Variants in TMEM245 observed in about 807,000 individuals in gnomAD.
TMEM245 encodes transmembrane protein 245.
TMEM245 carries 69 observed loss-of-function variants against 101.2 expected under a neutral mutation model. The observed-to-expected ratio is 0.68, with a 90% confidence interval of 0.56 to 0.83. TMEM245 has a LOEUF of 0.83. Among genes scored for constraint, TMEM245 ranks in the 40% least tolerant of loss-of-function variants. The pLI, the probability that TMEM245 is intolerant of heterozygous loss-of-function variation, is 0.00. For synonymous variants in TMEM245, 537 were observed against 449.8 expected (o/e 1.19, Z -2.45); for missense variants, 1,075 against 1,092.8 (o/e 0.98, Z 0.23).
At chr9:109,115,764 A>C (rs1441696729) in intron 1 of TMEM245, among the ~76,000 whole-genome samples, 1 of 152,038 alleles carries the variant, frequency 6.6e-6, no homozygotes, top group Non-Finnish European at 1.5e-5. Context: ...TCCTGACCTC[A>C]GGTGATCTGC....
chr9:109,042,545 T>C (rs1360643723), intron 14 of TMEM245: 7 of 152,178 alleles, frequency 4.6e-5, no homozygotes, highest in Non-Finnish European at 1.0e-4. Flanking sequence ...TCTTCCATCT[T>C]TCAGACTAGT....
chr9:109,082,613 C>A (rs1454525918), intron 7 of TMEM245, among the ~76,000 whole-genome samples: 1 of 150,478 alleles, frequency 6.6e-6, no homozygotes, highest in African/African-American at 2.4e-5. Flanking sequence ...TATTTGTATC[C>A]ACAAATTACA....
chr9:109,056,650 G>A (rs570814198), intron 12 of TMEM245, among the ~76,000 whole-genome samples: 7 of 151,878 alleles, frequency 4.6e-5, no homozygotes, highest in South Asian at 4.2e-4. Context: ...AGTTTAGCAC[G>A]GCAAACCTCA....
chr9:109,059,806 T>C (rs947523710), intron 11 of TMEM245, among the ~76,000 whole-genome samples: 2 of 152,092 alleles, frequency 1.3e-5, no homozygotes, highest in Non-Finnish European at 2.9e-5. Context: ...CAGTAGCCAG[T>C]AGGAGCTAGC....
intron 1 of TMEM245, among the ~76,000 whole-genome samples, chr9:109,114,834 A>G (rs1341278367): frequency 7.2e-6 from 1 of 139,782 alleles, no homozygotes; most frequent in Non-Finnish European, 1.6e-5. Context: ...GTAACATGTG[A>G]ACCTGGTGCA....
chr9:109,068,289 G>A (rs1403639923), intron 9 of TMEM245, among the ~76,000 whole-genome samples: 2 of 151,122 alleles, frequency 1.3e-5, no homozygotes, highest in African/African-American at 4.9e-5. Context: ...AGAATGGCGT[G>A]CACCTGGGAG....
rs1350729186 is a variant in TMEM245, at chr9:109,081,484, T to TA, written c.1345-542dup. Among the ~76,000 whole-genome samples the TA allele has an allele frequency of 7.2e-5, 11 of 152,082 alleles. No homozygotes were observed. The East Asian group carries it at 1.9e-3, about 27-fold the overall frequency. On this transcript the variant is annotated intron_variant, in intron 7 of 17. Coordinates refer to ENST00000374586, the MANE Select transcript of TMEM245 (RefSeq NM_032012.4). ...ATCATTAGAATTACAAAAGCAGTAATAAAAAAATCTAATGTTAAGGCAATG... is the reference window on the plus strand; with the variant it reads ...ATCATTAGAATTACAAAAGCAGTAATAAAAAAAATCTAATGTTAAGGCAATG...
intron 3 of TMEM245, 46 bp downstream of exon 3, chr9:109,106,462 C>A (rs117323641): frequency 1.2e-5 from 16 of 1,291,736 alleles, no homozygotes; most frequent in Non-Finnish European, 1.7e-5. Context: ...AGCTACTCTC[C>A]AAAATACTTC....
chr9:109,074,182 G>GT (rs1398155846), intron 8 of TMEM245, among the ~76,000 whole-genome samples: 1 of 152,026 alleles, frequency 6.6e-6, no homozygotes, highest in Non-Finnish European at 1.5e-5. Flanking sequence ...AGGTTTCTGA[G>GT]TAAAAAAAGC....
intron 8 of TMEM245, among the ~76,000 whole-genome samples, chr9:109,077,612 C>G (rs758535234): frequency 6.6e-6 from 1 of 152,174 alleles, no homozygotes; most frequent in Non-Finnish European, 1.5e-5. Flanking sequence ...CTGTTGGGAG[C>G]ATATACATTT....
chr9:109,029,347 T>C (rs1827883340), intron 17 of TMEM245, among the ~76,000 whole-genome samples: 1 of 152,196 alleles, frequency 6.6e-6, no homozygotes, highest in Non-Finnish European at 1.5e-5. Flanking sequence ...TCTTAGCAAG[T>C]GCCCATCAGG....
At chr9:109,108,872 A>G (rs1402834750) in intron 1 of TMEM245, among the ~76,000 whole-genome samples, 2 of 152,170 alleles carry the variant, frequency 1.3e-5, no homozygotes, top group Non-Finnish European at 2.9e-5. Flanking sequence ...AGCATAAACC[A>G]TGGATTTAAA....
intron 9 of TMEM245, among the ~76,000 whole-genome samples, chr9:109,071,325 T>C (rs926533415): frequency 2.0e-5 from 3 of 151,658 alleles, no homozygotes; most frequent in Non-Finnish European, 2.9e-5. Flanking sequence ...AAGATTCAAA[T>C]AGGCCAGGCA....
At chr9:109,032,807 CTTTT>C (rs568749155) in intron 17 of TMEM245, among the ~76,000 whole-genome samples, 5 of 123,148 alleles carry the variant, frequency 4.1e-5, no homozygotes, top group East Asian at 2.4e-4. Flanking sequence ...CAATATAGGT[CTTTT>C]TTTTTTTTTT....
chr9:109,039,820 G>A lies in TMEM245; in HGVS notation c.2124-1703C>T, dbSNP rs191647483. On this transcript the variant is annotated intron_variant, in intron 14 of 17. Coordinates refer to ENST00000374586, the MANE Select transcript of TMEM245 (RefSeq NM_032012.4). ...GAGAAGGTAGGTTTTGAGGGGGAGGGAATAATGACATAATCGACCACAGAG... is the reference window on the plus strand; with the variant it reads ...GAGAAGGTAGGTTTTGAGGGGGAGGAAATAATGACATAATCGACCACAGAG... Among the ~76,000 whole-genome samples the A allele has an allele frequency of 3.6e-3, 548 of 151,662 alleles. 1 individual carries two copies. Among genetic ancestry groups the A allele is most frequent in the Admixed American group, 0.012 (177 of 15,244 alleles).
chr9:109,098,047 AC>A (rs1830186703), intron 3 of TMEM245, among the ~76,000 whole-genome samples: 1 of 152,196 alleles, frequency 6.6e-6, no homozygotes, highest in East Asian at 1.9e-4. Context: ...GAAGCCACTA[AC>A]CCTTCTGTAG....
In TMEM245 at chr9:109,119,342, C is replaced by A; in HGVS notation, c.572G>T (p.Ser191Ile). The A allele has an allele frequency of 1.3e-6, 2 of 1,530,982 alleles. No homozygotes were observed. Among genetic ancestry groups the A allele is most frequent in the Non-Finnish European group, 1.7e-6 (2 of 1,143,064 alleles). The allele number at this position is 1,530,982 out of a possible 1,614,324, so 94.8% of individuals were successfully genotyped here. The change falls in exon 1 of 18, where the codon AGC (serine) becomes ATC (isoleucine). Residue 191 changes from serine (S) to isoleucine (I), a missense_variant. Physicochemically the swap from Ser to Ile is moderately radical, Grantham distance 142 (BLOSUM62 -2). Around this residue, in one of 2 missense-constraint regions of TMEM245, gnomAD observed 808 missense variants for 741.5 expected, o/e 1.09. Transcript: ENST00000374586. ...LICRGLDYFS[S>I]LWIWTLVVGY... ...GGACTGCCGCTCACTCACCCACAGG[C>A]TGCTGAAGTAGTCCAGCCCGCGGCA...
At chr9:109,058,621 T>C (rs957951865) in intron 11 of TMEM245, among the ~76,000 whole-genome samples, 3 of 152,180 alleles carry the variant, frequency 2.0e-5, no homozygotes, top group African/African-American at 7.2e-5. Context: ...CTTCTTTTTT[T>C]AGAGACAGCG....
At position 109,016,809 on chromosome 9, in the gene TMEM245, G is replaced by A. The variant is rs1588007262; in HGVS notation, c.*3651C>T. 1.3e-5 allele frequency: 2 copies of A among 152,122 alleles called. No homozygotes were observed. The highest frequency in any genetic ancestry group is 3.8e-4 in the East Asian group (2 of 5,198). 9.4% of individuals were successfully genotyped at this position (152,122 alleles called of 1,614,324 possible). On this transcript the variant is annotated 3_prime_UTR_variant, in exon 18 of 18. Coordinates refer to ENST00000374586, the MANE Select transcript of TMEM245 (RefSeq NM_032012.4). ...GCATTTGGAAGTAATGCTAGCCAGA[G>A]GCTATTTCCACTGTGAAATGCACAC... is the stretch of plus-strand genomic sequence containing the variant.
Sources: gnomAD v4.1 joint callset for allele counts (sites outside exome capture counted in the v4.1 genomes callset) on GRCh38, gnomAD v4.1.1 for gene constraint, gnomAD v4.1.1 regional missense constraint, MANE v1.5 for transcripts, NCBI Gene and HGNC (gene_info 2026-07-23, HGNC 2026-07-21) for gene names.